The following RNF135 variants were observed in gnomAD, a reference collection of about 807,000 sequenced individuals.
RNF135 encodes the protein E3 ubiquitin-protein ligase RNF135.
RNF135 carries 46 observed loss-of-function variants against 41.9 expected under a neutral mutation model. The observed-to-expected ratio is 1.10, with a 90% confidence interval of 0.87 to 1.40. The LOEUF is 1.40. Ranked by LOEUF, RNF135 falls within the 40% of genes most tolerant of loss-of-function variation. The pLI, the probability that RNF135 is intolerant of heterozygous loss-of-function variation, is 0.00. For missense variants in RNF135, 539 were observed against 549.8 expected (o/e 0.98, Z 0.20); for synonymous variants, 238 against 223.8 (o/e 1.06, Z -0.57).
chr17:30,972,045 G>C (rs1192537982), intron 1 of RNF135: 2 of 152,380 alleles, frequency 1.3e-5, no homozygotes, highest in African/African-American at 4.8e-5. Flanking sequence ...GTCCGCCTCG[G>C]CCTCCCAAAG....
chr17:30,997,197 C>G (rs776693920), intron 3 of RNF135, 45 bp from the exon 4 acceptor site: 5 of 1,525,078 alleles, frequency 3.3e-6, no homozygotes, highest in Non-Finnish European at 4.5e-6. Context: ...TTCAGTTTGC[C>G]TTTTTCTGAT....
At chr17:30,986,774 G>A (rs982121278) in intron 2 of RNF135, among the ~76,000 whole-genome samples, 4 of 152,168 alleles carry the variant, frequency 2.6e-5, no homozygotes, top group African/African-American at 9.7e-5. Flanking sequence ...CACATCATTG[G>A]TTTATTGTGA....
upstream of RNF135, among the ~76,000 whole-genome samples, chr17:30,967,123 C>A (rs898534221): frequency 1.4e-4 from 21 of 152,092 alleles, no homozygotes; most frequent in African/African-American, 4.8e-4. Flanking sequence ...CAACCTCCGT[C>A]TCCTAAGTTC....
chr17:30,966,541 C>A (rs1213490710), upstream of RNF135, among the ~76,000 whole-genome samples: 1 of 151,384 alleles, frequency 6.6e-6, no homozygotes, highest in Non-Finnish European at 1.5e-5. Flanking sequence ...GTCGCCCAGG[C>A]TGGAGTGCAG....
chr17:30,984,439 C>T (rs1056044345), intron 1 of RNF135, among the ~76,000 whole-genome samples, 178 bp from the exon 2 acceptor site: 1 of 152,178 alleles, frequency 6.6e-6, no homozygotes, highest in Non-Finnish European at 1.5e-5. Flanking sequence ...TTGGCACCTT[C>T]GTCAAAAATC....
rs763753770 is a variant in RNF135, at chr17:30,998,700, T to A, written c.808T>A (p.Cys270Ser). The A allele has an allele frequency of 6.2e-7, 1 of 1,614,088 alleles. No homozygotes were observed. The highest frequency in any genetic ancestry group is 8.5e-7 in the Non-Finnish European group (1 of 1,180,008). ...AACCTTTAACTTGAAGAGCCTTTCC[T>A]GCAGCCTGGAGGTGTCCAAGGATTC... The part of the protein sequence containing the change: ...HPTFNLKSLS[C>S]SLEVSKDSRT... Residue 270 changes from cysteine to serine, a missense_variant, in exon 5 of 5, where the codon TGC becomes AGC. This residue lies in a region of RNF135 where 262 missense variants were observed against 336.9 expected (regional missense o/e 0.78). Transcript: ENST00000328381.
At chr17:30,986,711 A>G (rs913984951) in intron 2 of RNF135, among the ~76,000 whole-genome samples, 11 of 152,190 alleles carry the variant, frequency 7.2e-5, no homozygotes, top group Admixed American at 5.9e-4. Context: ...CATTTCATCT[A>G]TCTGCGTCTC....
intron 1 of RNF135, among the ~76,000 whole-genome samples, chr17:30,981,252 C>G (rs541175242): frequency 5.4e-4 from 79 of 147,350 alleles, no homozygotes; most frequent in Middle Eastern, 3.4e-3. Context: ...CGCAGGCACT[C>G]GACAGGCTGA....
chr17:30,971,089 C>G lies in RNF135; in HGVS notation c.16C>G (p.Leu6Val). ...CCTGTTGGCCATGGCGGGCCTGGGC[C>G]TGGGCTCCGCCGTTCCCGTGTGGCT... Reference protein sequence around the residue: MAGLGLGSAVPVWLAE... With the variant: MAGLGVGSAVPVWLAE... The change falls in exon 1 of 5, where the codon CTG becomes GTG. Residue 6 changes from leucine to valine, a missense_variant. Leu to Val is a conservative substitution (Grantham distance 32). Coordinates refer to ENST00000328381, the MANE Select transcript of RNF135 (RefSeq NM_032322.4). The G allele has an allele frequency of 6.5e-7, 1 of 1,534,340 alleles. No individual in the cohort carries two copies. The highest frequency in any genetic ancestry group is 8.7e-7 in the Non-Finnish European group (1 of 1,146,120).
intron 1 of RNF135, among the ~76,000 whole-genome samples, chr17:30,974,660 AT>A (rs377103274): frequency 1.5e-4 from 22 of 148,314 alleles, no homozygotes; most frequent in African/African-American, 5.5e-4. Flanking sequence ...TAGCTATGTT[AT>A]TCCTTTTTAT....
At chr17:30,960,778 C>T in the RNF135 span, among the ~76,000 whole-genome samples, 15 of 143,058 alleles carry the variant, frequency 1.0e-4, no homozygotes, top group African/African-American at 2.8e-4. Flanking sequence ...CTTGCTCTGT[C>T]GCCCAGGCTG....
chr17:30,971,200 C>T lies in RNF135; in HGVS notation c.127C>T (p.His43Tyr). 2 of 1,524,308 alleles carry T rather than the reference C, an allele frequency of 1.3e-6. No homozygotes were observed. Among genetic ancestry groups the T allele is most frequent in the Non-Finnish European group, 1.8e-6 (2 of 1,142,308 alleles). The allele number at this position is 1,524,308 out of a possible 1,614,324, so 94.4% of individuals were successfully genotyped here. ...GCCCTGCGGCCACAGCTTCTGCCGC[C>T]ACTGCCTGGAGGCCCTGTGGGGCGC... Reference protein sequence around the residue: ...TLPCGHSFCRHCLEALWGARD... With the variant: ...TLPCGHSFCRYCLEALWGARD... Residue 43 changes from histidine to tyrosine, a missense_variant, in exon 1 of 5, where the codon CAC (histidine) becomes TAC (tyrosine). By Grantham distance (83) the His-to-Tyr change is moderately conservative. Coordinates refer to ENST00000328381, the MANE Select transcript of RNF135 (RefSeq NM_032322.4).
chr17:30,965,817 G>A, the RNF135 span, among the ~76,000 whole-genome samples: 3 of 152,202 alleles, frequency 2.0e-5, no homozygotes, highest in Non-Finnish European at 4.4e-5. Flanking sequence ...CAGTCATTAC[G>A]GGTGTGGAAA....
intron 3 of RNF135, among the ~76,000 whole-genome samples, chr17:30,995,997 G>T (rs1025729626): frequency 1.3e-5 from 2 of 151,404 alleles, no homozygotes; most frequent in Non-Finnish European, 2.9e-5. Flanking sequence ...GGCAGGTCTC[G>T]AACTCCTGAC....
upstream of RNF135, among the ~76,000 whole-genome samples, chr17:30,966,591 G>T (rs1420092250): frequency 1.3e-5 from 2 of 150,624 alleles, no homozygotes; most frequent in Non-Finnish European, 3.0e-5. Context: ...GCCTCCCAGG[G>T]TTCACACCAT....
At chr17:30,977,924 G>C (rs1029201349) in intron 1 of RNF135, among the ~76,000 whole-genome samples, 3 of 152,178 alleles carry the variant, frequency 2.0e-5, no homozygotes, top group African/African-American at 7.2e-5. Flanking sequence ...GACAGGTCTG[G>C]TGTTGATAAA....
intron 3 of RNF135, among the ~76,000 whole-genome samples, chr17:30,992,579 CCTT>C (rs1387748750): frequency 2.0e-5 from 3 of 152,014 alleles, no homozygotes; most frequent in African/African-American, 7.3e-5. Flanking sequence ...GATCCTCCCT[CCTT>C]AGCCTCCTGA....
chr17:30,968,871 A>T (rs1905668311), upstream of RNF135: 1 of 151,544 alleles, frequency 6.6e-6, no homozygotes, highest in Non-Finnish European at 1.5e-5. Flanking sequence ...TTATTTTTTA[A>T]TTTTTAATTT....
At chr17:30,987,192 G>T (rs1409442088) in intron 2 of RNF135, among the ~76,000 whole-genome samples, 1 of 151,812 alleles carries the variant, frequency 6.6e-6, no homozygotes, top group Non-Finnish European at 1.5e-5. Context: ...GAGCTCTTGC[G>T]AAGTGAAATG....
Sources: gnomAD v4.1 joint callset for allele counts (sites outside exome capture counted in the v4.1 genomes callset) on GRCh38, gnomAD v4.1.1 for gene constraint, gnomAD v4.1.1 regional missense constraint, MANE v1.5 for transcripts, NCBI Gene and HGNC (gene_info 2026-07-23, HGNC 2026-07-21) for gene names.